ADAMTS4: variants seen among roughly 807,000 people sequenced by gnomAD.
ADAMTS4 encodes A disintegrin and metalloproteinase with thrombospondin motifs 4.
A neutral mutation model predicts 66.7 loss-of-function variants in ADAMTS4; 38 were observed. The ratio of observed to expected loss-of-function variants is 0.57; its 90% CI spans 0.44 to 0.75. ADAMTS4 has a LOEUF of 0.75. Ranked by LOEUF, ADAMTS4 falls within the 30% of genes least tolerant of loss-of-function variation. ADAMTS4 has a pLI of 0.00. For missense variants in ADAMTS4, 1,014 were observed against 1,116.7 expected, an observed-to-expected ratio of 0.91 and a Z score of 1.31; for synonymous variants, 418 against 461.5, an observed-to-expected ratio of 0.91 and a Z score of 1.21.
chr1:161,198,488 G>T lies in ADAMTS4; in HGVS notation c.140C>A (p.Pro47His). Residue 47 changes from proline to histidine, a missense_variant, in exon 1 of 9, where the codon CCC (proline) becomes CAC (histidine). Transcript: ENST00000367996. This position sits in a 1 kb window ranked among gnomAD's most constrained non-coding sequence, Gnocchi z 4.7. ...GAGGGGGCTGGCCAGCCGGGCTGAG[G>T]GCAGGAGAGAGGCCAGCAGTAGCAG... ...LLLLLLASLL[P>H]SARLASPLPR... 1 of 1,568,664 alleles carries T rather than the reference G, an allele frequency of 6.4e-7. No individual in the cohort carries two copies. The highest frequency in any genetic ancestry group is 1.4e-5 in the African/African-American group (1 of 73,942).
In ADAMTS4 at chr1:161,190,122, G is replaced by A. The variant is rs1364017079; in HGVS notation, c.*1016C>T. ...AATCCCAGCACTTTGGGAGATGAAG[G>A]CGAGTGGATCACCTAAGGTCAGGAG... On this transcript the variant is annotated 3_prime_UTR_variant, in exon 9 of 9. Coordinates refer to ENST00000367996, the MANE Select transcript of ADAMTS4 (RefSeq NM_005099.6). 6.6e-6 allele frequency: 1 copy of A among 152,010 alleles called. No homozygotes were observed. Among genetic ancestry groups the A allele is most frequent in the African/African-American group, 2.4e-5 (1 of 41,340 alleles). 9.4% of individuals were successfully genotyped at this position (152,010 alleles called of 1,614,324 possible).
chr1:161,195,653 C>T lies in ADAMTS4; in HGVS notation c.1091-18G>A. On this transcript the variant is annotated intron_variant, in intron 3 of 8. Transcript: ENST00000367996. The stretch of plus-strand genomic sequence containing the variant: ...GACATGACCTGTGGGAGCAAAGGCC[C>T]TGATAGGATCTGAGGGTCCCTTCCC... The T allele has an allele frequency of 6.3e-7, 1 of 1,599,002 alleles. No homozygotes were observed.
In ADAMTS4 at chr1:161,193,102, C is replaced by T. The variant is rs932025487; in HGVS notation, c.1911+111G>A. ...TGAGTGGAATCCTGGACTGGGCTGG[C>T]GTGGCTGTAGGAACAGGGTTACTTT... On this transcript the variant is annotated intron_variant, in intron 7 of 8. Transcript: ENST00000367996. This position sits in a 1 kb window ranked among gnomAD's most constrained non-coding sequence, Gnocchi z 4.4. The T allele has an allele frequency of 6.0e-5, 75 of 1,245,502 alleles. No individual in the cohort carries two copies. The South Asian group carries it at 9.9e-4, about 16-fold the overall frequency. 77.2% of individuals were successfully genotyped at this position (1,245,502 alleles called of 1,614,324 possible). A position where few individuals can be genotyped will look rare whatever the true frequency, so the allele number is the denominator to read the frequency against.
chr1:161,196,920 C>T, intron 1 of ADAMTS4, 40 bp from the exon 2 acceptor site: 1 of 1,534,566 alleles, frequency 6.5e-7, no homozygotes, highest in Non-Finnish European at 8.8e-7. Flanking sequence ...GAAATAGCCT[C>T]TCAGACCCAT....
rs1571579201 is a variant in ADAMTS4 at position 161,193,290 on chromosome 1, C to T, written c.1834G>A (p.Gly612Ser). The change falls in exon 7 of 9, where the codon GGC becomes AGC. Residue 612 changes from glycine (G) to serine (S), a missense_variant. Transcript: ENST00000367996. This position sits in a 1 kb window ranked among gnomAD's most constrained non-coding sequence, Gnocchi z 4.4. ...GPMDWVPRYT[G>S]VAPQDQCKLT... Reference sequence around the variant, plus strand: ...TTGCACTGGTCCTGGGGGGCCACGCCTGTGTAGCGAGGAACCCAGTCCATG... The same window carrying T: ...TTGCACTGGTCCTGGGGGGCCACGCTTGTGTAGCGAGGAACCCAGTCCATG... The T allele has an allele frequency of 6.2e-7, 1 of 1,614,124 alleles. No individual in the cohort carries two copies. Among genetic ancestry groups the T allele is most frequent in the East Asian group, 2.2e-5 (1 of 44,886 alleles).
Position 161,188,125 on chromosome 1 carries a change from A to G in ADAMTS4, c.*3013T>C, listed in dbSNP as rs1336269247. ...CCACCACACCTGGCTAATTTTTTGT[A>G]TTTTTTTTTTAGTAGAGATGGGGTT... On this transcript the variant is annotated 3_prime_UTR_variant, in exon 9 of 9. Coordinates refer to ENST00000367996, the MANE Select transcript of ADAMTS4 (RefSeq NM_005099.6). 8.4e-6 allele frequency: 1 copy of G among 118,442 alleles called. No homozygotes were observed. The highest frequency in any genetic ancestry group is 2.5e-4 in the East Asian group (1 of 4,046). 7.3% of individuals were successfully genotyped at this position (118,442 alleles called of 1,614,324 possible).
At chr1:161,195,990 CTAAT>C (rs1342872981) in intron 3 of ADAMTS4, 177 bp downstream of exon 3, 1 of 725,432 alleles carries the variant, frequency 1.4e-6, no homozygotes, top group Non-Finnish European at 2.1e-6. Flanking sequence ...TTTCGACCAA[CTAAT>C]TTATTTAATA....
chr1:161,187,944 C>CTTTTTTTTTTTTT lies in ADAMTS4; in HGVS notation c.*3181_*3193dup. ...TGACACATAGAGGACTGCCCAAGTT[C>CTTTTTTTTTTTTT]TTTTTTTTTTTTTTTTTTTTTTTGA... is the stretch of plus-strand genomic sequence containing the variant. On this transcript the variant is annotated 3_prime_UTR_variant, in exon 9 of 9. Transcript: ENST00000367996. The CTTTTTTTTTTTTT allele has an allele frequency of 1.1e-5, 1 of 91,812 alleles. No homozygotes were observed. The highest frequency in any genetic ancestry group is 2.0e-5 in the Non-Finnish European group (1 of 49,126). 5.7% of individuals were successfully genotyped at this position (91,812 alleles called of 1,614,324 possible). A position where few individuals can be genotyped will look rare whatever the true frequency, so the allele number is the denominator to read the frequency against.
rs1364424759 is a variant in ADAMTS4, at chr1:161,186,073, C to T, written c.*5065G>A. 6.6e-6 allele frequency: 1 copy of T among 152,262 alleles called. No individual in the cohort carries two copies. The highest frequency in any genetic ancestry group is 2.4e-5 in the African/African-American group (1 of 41,446). 9.4% of individuals were successfully genotyped at this position (152,262 alleles called of 1,614,324 possible). On this transcript the variant is annotated 3_prime_UTR_variant, in exon 9 of 9. Transcript: ENST00000367996. ...CTTTTCTTTTTCCATTTCCTCTTTTCATCTCCAGGACCAGATACTTGAATT... is the reference window on the plus strand; with the variant it reads ...CTTTTCTTTTTCCATTTCCTCTTTTTATCTCCAGGACCAGATACTTGAATT...
chr1:161,195,686 T>G, intron 3 of ADAMTS4, 51 bp from the exon 4 acceptor site: 1 of 1,523,604 alleles, frequency 6.6e-7, no homozygotes, highest in South Asian at 1.2e-5. Context: ...CCCCATGCCC[T>G]GAGGGACTCC....
At chr1:161,196,325 G>A (rs918482037) in intron 2 of ADAMTS4, 22 bp from the exon 3 acceptor site, 1 of 1,592,764 alleles carries the variant, frequency 6.3e-7, no homozygotes. Flanking sequence ...GATCATAGAA[G>A]GTGCATAGAC....
In ADAMTS4 at chr1:161,194,817, T is replaced by TACCTGA. The variant is rs1664773291; in HGVS notation, c.1262-597_1262-596insTCAGGT. Among the ~76,000 whole-genome samples the TACCTGA allele has an allele frequency of 6.6e-6, 1 of 152,206 alleles. No individual in the cohort carries two copies. The highest frequency in any genetic ancestry group is 2.1e-4 in the South Asian group (1 of 4,832). On this transcript the variant is annotated intron_variant, in intron 4 of 8. Coordinates refer to ENST00000367996, the MANE Select transcript of ADAMTS4 (RefSeq NM_005099.6). This position sits in a 1 kb window ranked among gnomAD's most constrained non-coding sequence, Gnocchi z 4.1. Reference sequence around the variant, plus strand: ...ATGAGATAGGTACCGCTATTATACTTATCTGACATATCAACTACAAACACA... The same window carrying TACCTGA: ...ATGAGATAGGTACCGCTATTATACTTACCTGAATCTGACATATCAACTACAAACACA...
chr1:161,193,449 AC>A lies in ADAMTS4; in HGVS notation c.1736-62del. Reference sequence around the variant, plus strand: ...TCCTCACATCACCCCACATCCCTCCACCCAACCCCTGAGAACTCTAGACAGC... The same window carrying A: ...TCCTCACATCACCCCACATCCCTCCACCAACCCCTGAGAACTCTAGACAGC... On this transcript the variant is annotated intron_variant, in intron 6 of 8. Transcript: ENST00000367996. This position sits in a 1 kb window ranked among gnomAD's most constrained non-coding sequence, Gnocchi z 4.4. The A allele has an allele frequency of 1.9e-6, 3 of 1,576,928 alleles. No homozygotes were observed. The highest frequency in any genetic ancestry group is 2.6e-6 in the Non-Finnish European group (3 of 1,159,694).
At position 161,195,366 on chromosome 1, in the gene ADAMTS4, G is replaced by T. The variant is rs923428487; in HGVS notation, c.1261+99C>A. 2.3e-6 allele frequency: 3 copies of T among 1,288,862 alleles called. No individual in the cohort carries two copies. In the African/African-American group the frequency reaches 4.5e-5, roughly 19 times the overall value. The allele number at this position is 1,288,862 out of a possible 1,614,324, so 79.8% of individuals were successfully genotyped here. On this transcript the variant is annotated intron_variant, in intron 4 of 8. Coordinates refer to ENST00000367996, the MANE Select transcript of ADAMTS4 (RefSeq NM_005099.6). ...ACACTGCAGAGGAAGCACACTTGGG[G>T]GAGGCAATTTGGTCCATGCAGAATG...
chr1:161,189,405 A>G lies in ADAMTS4; in HGVS notation c.*1733T>C, dbSNP rs1375212946. The G allele has an allele frequency of 1.3e-5, 2 of 152,116 alleles. No individual in the cohort carries two copies. Among genetic ancestry groups the G allele is most frequent in the Non-Finnish European group, 2.9e-5 (2 of 68,028 alleles). 9.4% of individuals were successfully genotyped at this position (152,116 alleles called of 1,614,324 possible). ...AGACCCCTCAACTATCACCCTTATTACTAAGCACTCATTTGTGTTGATGCA... is the reference window on the plus strand; with the variant it reads ...AGACCCCTCAACTATCACCCTTATTGCTAAGCACTCATTTGTGTTGATGCA... On this transcript the variant is annotated 3_prime_UTR_variant, in exon 9 of 9. Coordinates refer to ENST00000367996, the MANE Select transcript of ADAMTS4 (RefSeq NM_005099.6).
Position 161,193,695 on chromosome 1 carries a change from C to T in ADAMTS4, c.1680G>A (p.Glu560=). Residue 560 remains glutamate, a synonymous_variant, in exon 6 of 9, where the codon GAG becomes GAA. Transcript: ENST00000367996. This position sits in a 1 kb window ranked among gnomAD's most constrained non-coding sequence, Gnocchi z 4.4. ...AGGAGCGGAAGCGGGTACGGCGGCC[C>T]TCACAGTACTTGCCACCATTCCGGG... ...PVPRNGGKYC[E]GRRTRFRSCN... 1.2e-6 allele frequency: 2 copies of T among 1,614,088 alleles called. No individual in the cohort carries two copies. Among genetic ancestry groups the T allele is most frequent in the Non-Finnish European group, 1.7e-6 (2 of 1,179,998 alleles).
chr1:161,196,811 C>A lies in ADAMTS4; in HGVS notation c.703G>T (p.Gly235Cys). Residue 235 changes from glycine to cysteine, a missense_variant, in exon 2 of 9, where the codon GGT becomes TGT. Coordinates refer to ENST00000367996, the MANE Select transcript of ADAMTS4 (RefSeq NM_005099.6). ...AGCAGGTAGCGCTTTAGCCCCGCACCGTGGAATGCGGCCATCTTGTCATCT... is the reference window on the plus strand; with the variant it reads ...AGCAGGTAGCGCTTTAGCCCCGCACAGTGGAATGCGGCCATCTTGTCATCT... ...VADDKMAAFH[G>C]AGLKRYLLTV... 6.2e-7 allele frequency: 1 copy of A among 1,611,140 alleles called. No homozygotes were observed. The highest frequency in any genetic ancestry group is 8.5e-7 in the Non-Finnish European group (1 of 1,179,926).
intron 1 of ADAMTS4, 59 bp downstream of exon 1, chr1:161,197,936 G>T (rs1192868758): frequency 1.3e-6 from 2 of 1,514,086 alleles, no homozygotes; most frequent in Non-Finnish European, 1.8e-6. Context: ...GTGAATAGGG[G>T]TCAGTAGGAC....
Position 161,190,977 on chromosome 1 carries a change from G to T in ADAMTS4, c.*161C>A. ...ACTGCCTCCCAGGGCAGGAAACCAGGGCAGGGCCAGCCTGCGCATTAGGGC... is the reference window on the plus strand; with the variant it reads ...ACTGCCTCCCAGGGCAGGAAACCAGTGCAGGGCCAGCCTGCGCATTAGGGC... On this transcript the variant is annotated 3_prime_UTR_variant, in exon 9 of 9. Transcript: ENST00000367996. 1 of 807,214 alleles carries T rather than the reference G, an allele frequency of 1.2e-6. No individual in the cohort carries two copies. The highest frequency in any genetic ancestry group is 1.8e-6 in the Non-Finnish European group (1 of 540,854). 50.0% of individuals were successfully genotyped at this position (807,214 alleles called of 1,614,324 possible). A position where few individuals can be genotyped will look rare whatever the true frequency, so the allele number is the denominator to read the frequency against.
Sources: gnomAD v4.1 joint callset for allele counts (sites outside exome capture counted in the v4.1 genomes callset) on GRCh38, gnomAD v4.1.1 for gene constraint, Gnocchi (gnomAD v3.1) non-coding constraint, MANE v1.5 for transcripts, NCBI Gene and HGNC (gene_info 2026-07-23, HGNC 2026-07-21) for gene names.